Variants in ZNF679 observed in about 807,000 individuals in gnomAD.
ZNF679 encodes zinc finger protein 679.
A neutral mutation model predicts 13.4 loss-of-function variants in ZNF679; 10 were observed. The ratio of observed to expected loss-of-function variants is 0.75; its 90% CI spans 0.46 to 1.27. The LOEUF is 1.27. Among genes scored for constraint, ZNF679 ranks in the 50% most tolerant of loss-of-function variants. The pLI, the probability that ZNF679 is intolerant of heterozygous loss-of-function variation, is 0.00. For missense variants in ZNF679, 525 were observed against 477.8 expected (o/e 1.10, Z -0.92); for synonymous variants, 179 against 162.5 (o/e 1.10, Z -0.77).
At chr7:64,256,697 C>CTTT (rs35992074) in intron 2 of ZNF679, among the ~76,000 whole-genome samples, 3 of 134,276 alleles carry the variant, frequency 2.2e-5, no homozygotes, top group African/African-American at 5.4e-5. Flanking sequence ...TTTCGTTGAA[C>CTTT]TTTTTTTTTT....
intron 1 of ZNF679, among the ~76,000 whole-genome samples, chr7:64,238,510 C>A (rs1423547773): frequency 2.6e-5 from 4 of 152,130 alleles, no homozygotes; most frequent in Non-Finnish European, 4.4e-5. Context: ...GCCTTCGCCT[C>A]CCGAGTAGCT....
intron 1 of ZNF679, among the ~76,000 whole-genome samples, chr7:64,245,630 GA>G (rs901961648): frequency 2.6e-5 from 4 of 152,068 alleles, no homozygotes; most frequent in African/African-American, 9.7e-5. Flanking sequence ...CTTTAGGGAG[GA>G]AAAAGCTCCC....
chr7:64,247,109 A>G (rs891245933), intron 1 of ZNF679, among the ~76,000 whole-genome samples: 3 of 152,200 alleles, frequency 2.0e-5, no homozygotes, highest in Non-Finnish European at 4.4e-5. Flanking sequence ...CATTATAATT[A>G]GCGTGTAATG....
At chr7:64,260,805 T>C (rs1788065658) in intron 3 of ZNF679, 29 bp from the exon 4 acceptor site, 1 of 1,583,806 alleles carries the variant, frequency 6.3e-7, no homozygotes, top group South Asian at 1.2e-5. Context: ...CAGCAAGATT[T>C]ATGTTACTTT....
chr7:64,265,111 G>C (rs547241699), intron 4 of ZNF679, among the ~76,000 whole-genome samples: 1 of 151,394 alleles, frequency 6.6e-6, no homozygotes, highest in African/African-American at 2.4e-5. Flanking sequence ...TGATTTTTTT[G>C]ATTAGACCAT....
At chr7:64,241,958 C>A (rs941747280) in intron 1 of ZNF679, among the ~76,000 whole-genome samples, 9 of 152,142 alleles carry the variant, frequency 5.9e-5, no homozygotes, top group African/African-American at 1.9e-4. Context: ...TTTAAAACCC[C>A]ACAAATGTGC....
chr7:64,256,368 T>C (rs946811664), intron 2 of ZNF679, among the ~76,000 whole-genome samples: 2 of 152,226 alleles, frequency 1.3e-5, no homozygotes, highest in African/African-American at 4.8e-5. Context: ...AATAGTGCTG[T>C]AATAAACATG....
At chr7:64,248,633 C>T (rs1414016977) in intron 1 of ZNF679, among the ~76,000 whole-genome samples, 1 of 152,142 alleles carries the variant, frequency 6.6e-6, no homozygotes, top group Non-Finnish European at 1.5e-5. Flanking sequence ...CAAACCATAT[C>T]ACTGCAAAGG....
chr7:64,265,810 C>T (rs1788135871), intron 4 of ZNF679, 86 bp from the exon 5 acceptor site: 2 of 1,449,924 alleles, frequency 1.4e-6, no homozygotes, highest in Non-Finnish European at 1.8e-6. Flanking sequence ...GCTAAAGTAC[C>T]TTGTATAATT....
intron 1 of ZNF679, among the ~76,000 whole-genome samples, chr7:64,247,125 T>C (rs568490301): frequency 9.2e-5 from 14 of 152,376 alleles, no homozygotes; most frequent in African/African-American, 3.4e-4. Context: ...TAATGATTCC[T>C]GAGGACAATC....
intron 1 of ZNF679, among the ~76,000 whole-genome samples, chr7:64,236,973 GAAAAA>G (rs1787732180): frequency 3.7e-5 from 2 of 53,640 alleles, no homozygotes; most frequent in African/African-American, 7.9e-5. Context: ...AAGAAAGAAA[GAAAAA>G]GAAAGAAAGA....
rs765448382 is a variant in ZNF679, at chr7:64,238,451, G to A, written c.-91+9799G>A. Among the ~76,000 whole-genome samples, 137 of 152,192 alleles carry A rather than the reference G, an allele frequency of 9.0e-4. 1 individual carries two copies. Among genetic ancestry groups the A allele is most frequent in the African/African-American group, 3.0e-3 (126 of 41,524 alleles). Reference sequence around the variant, plus strand: ...ACTCCAGGCTGGAGTGCAGTGGTGCGATCTCAGCTCACTGCACCCTGTGCC... The same window carrying A: ...ACTCCAGGCTGGAGTGCAGTGGTGCAATCTCAGCTCACTGCACCCTGTGCC... On this transcript the variant is annotated intron_variant, in intron 1 of 4. Transcript: ENST00000421025.
At chr7:64,264,891 TCTTA>T (rs1373279722) in intron 4 of ZNF679, among the ~76,000 whole-genome samples, 9 of 152,186 alleles carry the variant, frequency 5.9e-5, no homozygotes, top group East Asian at 1.9e-4. Flanking sequence ...ATTATTTTTT[TCTTA>T]CTTCTAAATT....
chr7:64,249,376 G>T lies in ZNF679; in HGVS notation c.39+220G>T, dbSNP rs201590186. On this transcript the variant is annotated intron_variant, in intron 2 of 4. Transcript: ENST00000421025. Reference sequence around the variant, plus strand: ...ATTCTTTTTCCTTTGCAGTGGCTTTGCCCTGGACTGGAGCCCTCTCTGGGC... The same window carrying T: ...ATTCTTTTTCCTTTGCAGTGGCTTTTCCCTGGACTGGAGCCCTCTCTGGGC... 3.0e-4 allele frequency among the ~76,000 whole-genome samples: 45 copies of T among 152,268 alleles called. No individual in the cohort carries two copies. The East Asian group carries it at 8.5e-3, about 29-fold the overall frequency.
chr7:64,231,663 G>T (rs780898040), intron 1 of ZNF679, among the ~76,000 whole-genome samples: 2 of 152,108 alleles, frequency 1.3e-5, no homozygotes, highest in Admixed American at 6.6e-5. Context: ...CCTTCTATAA[G>T]TTGAGCCTAG....
At chr7:64,246,097 C>A (rs969342713) in intron 1 of ZNF679, among the ~76,000 whole-genome samples, 1 of 152,164 alleles carries the variant, frequency 6.6e-6, no homozygotes, top group African/African-American at 2.4e-5. Context: ...CGGAGAGGGG[C>A]CTCTCACCCC....
intron 4 of ZNF679, among the ~76,000 whole-genome samples, chr7:64,265,640 G>A (rs1788133678): frequency 6.6e-6 from 1 of 152,114 alleles, no homozygotes; most frequent in Non-Finnish European, 1.5e-5. Flanking sequence ...AAATGTATCA[G>A]ACTTTTCTTT....
At chr7:64,249,879 T>G (rs1434017015) in intron 2 of ZNF679, among the ~76,000 whole-genome samples, 1 of 152,224 alleles carries the variant, frequency 6.6e-6, no homozygotes, top group African/African-American at 2.4e-5. Context: ...TCTTGCTCTG[T>G]TGTCCTTACT....
chr7:64,236,938 AAAG>A, intron 1 of ZNF679, among the ~76,000 whole-genome samples: 1 of 41,680 alleles, frequency 2.4e-5, no homozygotes, highest in Non-Finnish European at 4.4e-5. Context: ...AGAAAGAAAG[AAAG>A]AAAGAAAGAA....
Sources: gnomAD v4.1 joint callset for allele counts (sites outside exome capture counted in the v4.1 genomes callset) on GRCh38, gnomAD v4.1.1 for gene constraint, MANE v1.5 for transcripts, NCBI Gene and HGNC (gene_info 2026-07-23, HGNC 2026-07-21) for gene names.